Variants in CASZ1 observed in about 807,000 individuals in gnomAD.
CASZ1 encodes castor zinc finger 1, also known as zinc finger protein castor homolog 1.
In CASZ1, 28 loss-of-function variants were observed where a neutral mutation model predicts 135.2. The ratio of observed to expected loss-of-function variants is 0.21; its 90% CI spans 0.15 to 0.28. The LOEUF (loss-of-function observed/expected upper bound fraction) is 0.28. Ranked by LOEUF, CASZ1 falls within the 10% of genes least tolerant of loss-of-function variation. The pLI is 1.00. For missense variants in CASZ1, 2,161 were observed against 2,453.3 expected (o/e 0.88, Z 2.52); for synonymous variants, 1,068 against 1,073.4 (o/e 0.99, Z 0.10).
intron 2 of CASZ1, among the ~76,000 whole-genome samples, chr1:10,753,222 A>G (rs892970395): frequency 1.3e-5 from 2 of 152,242 alleles, no homozygotes; most frequent in African/African-American, 4.8e-5. Context: ...CTCAGCAGGT[A>G]GCCCCCGGCA....
At chr1:10,713,634 T>G (rs1387596064) in intron 2 of CASZ1, among the ~76,000 whole-genome samples, 1 of 152,186 alleles carries the variant, frequency 6.6e-6, no homozygotes, top group Non-Finnish European at 1.5e-5. Context: ...TTCCCTCAGC[T>G]CTCTTCGTTT....
chr1:10,748,834 C>A (rs1423051646), intron 2 of CASZ1, among the ~76,000 whole-genome samples: 1 of 152,248 alleles, frequency 6.6e-6, no homozygotes, highest in East Asian at 1.9e-4. Flanking sequence ...CCAAGGCCCA[C>A]GTGGCCAGAG....
Position 10,725,007 on chromosome 1 carries a change from T to C in CASZ1, c.-76-19463A>G, listed in dbSNP as rs1434529985. On this transcript the variant is annotated intron_variant, in intron 2 of 20. Transcript: ENST00000377022. The surrounding 1 kb of genome is among the most constrained non-coding windows in gnomAD (Gnocchi z 4.4). The stretch of plus-strand genomic sequence containing the variant: ...TAAATCTGGGGGAATTCAGGAGTAA[T>C]TGGGACCACATGTTGGCCGGGAGGG... Among the ~76,000 whole-genome samples, 1 of 152,170 alleles carries C rather than the reference T, an allele frequency of 6.6e-6. No homozygotes were observed. The highest frequency in any genetic ancestry group is 6.5e-5 in the Admixed American group (1 of 15,282).
At chr1:10,734,389 C>T (rs1218296901) in intron 2 of CASZ1, among the ~76,000 whole-genome samples, 1 of 150,142 alleles carries the variant, frequency 6.7e-6, no homozygotes, top group African/African-American at 2.5e-5. Context: ...GGTAATTATA[C>T]TAAAGATGAA....
In CASZ1 at chr1:10,643,286, G is replaced by T; in HGVS notation, c.3894C>A (p.Ser1298Arg). 1 of 1,612,962 alleles carries T rather than the reference G, an allele frequency of 6.2e-7. No individual in the cohort carries two copies. The highest frequency in any genetic ancestry group is 1.1e-5 in the South Asian group (1 of 91,060). The part of the protein sequence containing the change: ...RLGCKYNQVN[S>R]HFHCIREGCQ... ...AGCCCTCCCGGATGCAGTGGAAGTG[G>T]CTGTTCACCTGGTTGTACTTGCAAC... Residue 1298 changes from serine (S) to arginine (R), a missense_variant, in exon 19 of 21, where the codon AGC becomes AGA. By Grantham distance (110) the Ser-to-Arg change is moderately radical (BLOSUM62 -1). Transcript: ENST00000377022.
At chr1:10,656,178 A>G (rs918400139) in intron 8 of CASZ1, among the ~76,000 whole-genome samples, 2 of 152,172 alleles carry the variant, frequency 1.3e-5, no homozygotes, top group Admixed American at 6.5e-5. Context: ...GGCAAGCCAG[A>G]GGGAGCCACC....
intron 1 of CASZ1, among the ~76,000 whole-genome samples, chr1:10,778,186 C>T (rs1361974549): frequency 6.6e-6 from 1 of 151,946 alleles, no homozygotes; most frequent in African/African-American, 2.4e-5. Flanking sequence ...ATCTCGCACA[C>T]AATCAGACAC....
At chr1:10,669,720 G>A (rs964589176) in intron 4 of CASZ1, among the ~76,000 whole-genome samples, 3 of 151,806 alleles carry the variant, frequency 2.0e-5, no homozygotes, top group East Asian at 3.9e-4. Flanking sequence ...AGTGCCCACC[G>A]CCCATGGCCC....
At chr1:10,768,216 T>C (rs1640513646) in intron 1 of CASZ1, among the ~76,000 whole-genome samples, 1 of 151,986 alleles carries the variant, frequency 6.6e-6, no homozygotes, top group African/African-American at 2.4e-5. Context: ...GTTTGTTTGT[T>C]TGTTTGTTTG....
At position 10,717,391 on chromosome 1, in the gene CASZ1, C is replaced by G. The variant is rs1481297420; in HGVS notation, c.-76-11847G>C. 6.6e-6 allele frequency among the ~76,000 whole-genome samples: 1 copy of G among 151,534 alleles called. No homozygotes were observed. Among genetic ancestry groups the G allele is most frequent in the African/African-American group, 2.4e-5 (1 of 41,348 alleles). On this transcript the variant is annotated intron_variant, in intron 2 of 20. Transcript: ENST00000377022. This position sits in a 1 kb window ranked among gnomAD's most constrained non-coding sequence, Gnocchi z 4.6. ...GGTGAGTTGTTGGAGGTTTTTTTTT[C>G]TTTTCTTTTCTTTTTTGCTATTTAT... is the stretch of plus-strand genomic sequence containing the variant.
chr1:10,646,456 G>A lies in CASZ1; in HGVS notation c.3498-130C>T, dbSNP rs1329229801. ...ACCACCAAGAGGGATGGCCTGGGCT[G>A]CTGTCCTGCTCAACAGGATGACTCA... On this transcript the variant is annotated intron_variant, in intron 16 of 20. Coordinates refer to ENST00000377022, the MANE Select transcript of CASZ1 (RefSeq NM_001079843.3). The surrounding 1 kb of genome is among the most constrained non-coding windows in gnomAD (Gnocchi z 6.4). The A allele has an allele frequency of 4.9e-6, 4 of 809,602 alleles. No individual in the cohort carries two copies. Among genetic ancestry groups the A allele is most frequent in the Non-Finnish European group, 8.1e-6 (4 of 493,446 alleles). 50.2% of individuals were successfully genotyped at this position (809,602 alleles called of 1,614,324 possible). A position where few individuals can be genotyped will look rare whatever the true frequency, so the allele number is the denominator to read the frequency against.
intron 13 of CASZ1, chr1:10,649,966 G>C (rs1642509419): frequency 6.5e-6 from 1 of 152,828 alleles, no homozygotes; most frequent in Non-Finnish European, 1.5e-5. Flanking sequence ...GGGAAGGGAG[G>C]GGGTCGTGGG....
chr1:10,785,983 T>G (rs1640852243), intron 1 of CASZ1, among the ~76,000 whole-genome samples: 1 of 152,146 alleles, frequency 6.6e-6, no homozygotes, highest in African/African-American at 2.4e-5. Context: ...ATCGTCCAAG[T>G]GGAGGAAACA....
rs1164423023 is a variant in CASZ1 at position 10,676,876 on chromosome 1, T to C, written c.17-11305A>G. Among the ~76,000 whole-genome samples, 1 of 152,198 alleles carries C rather than the reference T, an allele frequency of 6.6e-6. No homozygotes were observed. Among genetic ancestry groups the C allele is most frequent in the Non-Finnish European group, 1.5e-5 (1 of 68,032 alleles). Reference sequence around the variant, plus strand: ...TCTAGGTCCTGGCAGCTGGCGGGTATCAAGGGCATGCACTCTGTCCGGGCT... The same window carrying C: ...TCTAGGTCCTGGCAGCTGGCGGGTACCAAGGGCATGCACTCTGTCCGGGCT... On this transcript the variant is annotated intron_variant, in intron 4 of 20. Transcript: ENST00000377022. The surrounding 1 kb of genome is among the most constrained non-coding windows in gnomAD (Gnocchi z 4.5).
Position 10,755,152 on chromosome 1 carries a change from T to TC in CASZ1, c.-77+5548dup, listed in dbSNP as rs1640226327. ...GTGGGAACGTGGCAGCATCCAGGGG[T>TC]CCCGCGGAAGGTGGGCAGCAAGGGG... On this transcript the variant is annotated intron_variant, in intron 2 of 20. Coordinates refer to ENST00000377022, the MANE Select transcript of CASZ1 (RefSeq NM_001079843.3). The surrounding 1 kb of genome is among the most constrained non-coding windows in gnomAD (Gnocchi z 4.3). Among the ~76,000 whole-genome samples, 1 of 151,930 alleles carries TC rather than the reference T, an allele frequency of 6.6e-6. No homozygotes were observed. The highest frequency in any genetic ancestry group is 2.4e-5 in the African/African-American group (1 of 41,368).
intron 2 of CASZ1, among the ~76,000 whole-genome samples, chr1:10,722,575 A>T (rs915728553): frequency 3.9e-5 from 6 of 152,230 alleles, no homozygotes; most frequent in African/African-American, 1.4e-4. Flanking sequence ...GTTTCCAAGG[A>T]CACTGAAAAC....
rs1276981930 is a variant in CASZ1 at position 10,708,788 on chromosome 1, G to A, written c.-76-3244C>T. On this transcript the variant is annotated intron_variant, in intron 2 of 20. Coordinates refer to ENST00000377022, the MANE Select transcript of CASZ1 (RefSeq NM_001079843.3). ...AGAGTGAGAAGAGGAGGAGAGGAGA[G>A]AGTGAAAGACAGAGGGGAAGAGGAA... Among the ~76,000 whole-genome samples, 5 of 152,118 alleles carry A rather than the reference G, an allele frequency of 3.3e-5. No homozygotes were observed. The East Asian group carries it at 9.7e-4, about 29-fold the overall frequency.
Position 10,762,959 on chromosome 1 carries a change from G to A in CASZ1, c.-233-2102C>T, listed in dbSNP as rs1054170511. On this transcript the variant is annotated intron_variant, in intron 1 of 20. Transcript: ENST00000377022. This position sits in a 1 kb window ranked among gnomAD's most constrained non-coding sequence, Gnocchi z 4.1. ...GTGGGGCCTGCCCAGGGCAGAGGAT[G>A]CTTTTCAGCTTTGGCAGCAAGAACA... Among the ~76,000 whole-genome samples, 1 of 152,252 alleles carries A rather than the reference G, an allele frequency of 6.6e-6. No individual in the cohort carries two copies. The highest frequency in any genetic ancestry group is 2.4e-5 in the African/African-American group (1 of 41,464).
rs962458020 is a variant in CASZ1 at position 10,721,051 on chromosome 1, T to A, written c.-76-15507A>T. On this transcript the variant is annotated intron_variant, in intron 2 of 20. Coordinates refer to ENST00000377022, the MANE Select transcript of CASZ1 (RefSeq NM_001079843.3). The surrounding 1 kb of genome is among the most constrained non-coding windows in gnomAD (Gnocchi z 5.4). ...CCTGCCTCCTCGCCCGTAACTCTGG[T>A]GGGGGTCCCTTTTGTACAGGAGCCA... 6.6e-6 allele frequency among the ~76,000 whole-genome samples: 1 copy of A among 152,186 alleles called. No homozygotes were observed. Among genetic ancestry groups the A allele is most frequent in the Admixed American group, 6.5e-5 (1 of 15,290 alleles).
Sources: allele counts gnomAD v4.1 joint callset (sites outside exome capture counted in the v4.1 genomes callset), GRCh38; gene constraint gnomAD v4.1.1; non-coding constraint Gnocchi (gnomAD v3.1); transcripts MANE v1.5; gene names NCBI Gene and HGNC (gene_info 2026-07-23, HGNC 2026-07-21).